TAMM41: variants seen among roughly 807,000 people sequenced by gnomAD.
TAMM41 encodes phosphatidate cytidylyltransferase, mitochondrial.
Under a neutral mutation model 44.1 loss-of-function variants are expected in TAMM41, and 36 were observed. That is an observed-to-expected ratio of 0.82 (90% CI 0.63 to 1.08). The LOEUF is 1.08. Ranked by LOEUF, TAMM41 falls within the 50% of genes least tolerant of loss-of-function variation. The probability of loss-of-function intolerance (pLI) is 0.00; values close to 1 mark genes in which losing one functional copy is unlikely to be tolerated. For missense variants in TAMM41, 417 were observed against 404.3 expected (o/e 1.03, Z -0.27); for synonymous variants, 164 against 153.1 (o/e 1.07, Z -0.53).
the TAMM41 span, among the ~76,000 whole-genome samples, chr3:11,722,191 C>A: frequency 6.6e-6 from 1 of 152,176 alleles, no homozygotes; most frequent in African/African-American, 2.4e-5. Flanking sequence ...GCAAATAAAT[C>A]ATGGGGACAG....
the TAMM41 span, among the ~76,000 whole-genome samples, chr3:11,785,099 G>A: frequency 3.3e-5 from 5 of 152,118 alleles, no homozygotes; most frequent in Non-Finnish European, 7.4e-5. Context: ...CCACAGGGAG[G>A]TGTTTCTCTG....
At chr3:11,754,360 T>C in the TAMM41 span, among the ~76,000 whole-genome samples, 1 of 152,094 alleles carries the variant, frequency 6.6e-6, no homozygotes, top group African/African-American at 2.4e-5. Flanking sequence ...TTACCAATTC[T>C]TTTTAAAAAT....
chr3:11,778,203 C>T, the TAMM41 span, among the ~76,000 whole-genome samples: 5 of 151,976 alleles, frequency 3.3e-5, no homozygotes, highest in Admixed American at 6.6e-5. Flanking sequence ...AGTAGAATTT[C>T]TCGGTTATAT....
the TAMM41 span, among the ~76,000 whole-genome samples, chr3:11,749,901 CTTT>C: frequency 5.2e-4 from 70 of 135,900 alleles, no homozygotes; most frequent in Non-Finnish European, 6.8e-4. Flanking sequence ...CTTTTTCTTT[CTTT>C]TTTTTTTTTT....
At position 11,846,518 on chromosome 3, in the gene TAMM41, G is replaced by A. The variant is rs1253577587; in HGVS notation, c.119C>T (p.Pro40Leu). Residue 40 changes from proline to leucine, a missense_variant, in exon 1 of 8, where the codon CCG becomes CTG. By Grantham distance (98) the Pro-to-Leu change is moderately conservative. Transcript: ENST00000455809. ...YGSGVYRQAG[P>L]SSDQKNAMLD... ...CGGGCTCACCTTCTGGTCTGAACTC[G>A]GCCCTGCCTGGCGGTACACCCCGGA... 6.2e-7 allele frequency: 1 copy of A among 1,614,188 alleles called. No homozygotes were observed. The highest frequency in any genetic ancestry group is 8.5e-7 in the Non-Finnish European group (1 of 1,180,018).
intron 4 of TAMM41, among the ~76,000 whole-genome samples, chr3:11,829,000 C>A (rs971107861): frequency 6.6e-6 from 1 of 152,106 alleles, no homozygotes; most frequent in Non-Finnish European, 1.5e-5. Flanking sequence ...TTAAACGGAA[C>A]CTTACTATAG....
chr3:11,773,055 C>T, the TAMM41 span, among the ~76,000 whole-genome samples: 1 of 152,108 alleles, frequency 6.6e-6, no homozygotes, highest in Admixed American at 6.6e-5. Context: ...CTCCCGGGTT[C>T]AAGCAATTCT....
chr3:11,819,638 T>C (rs1316589647), intron 4 of TAMM41, among the ~76,000 whole-genome samples: 3 of 152,176 alleles, frequency 2.0e-5, no homozygotes, highest in Non-Finnish European at 2.9e-5. Context: ...CTCACATCTA[T>C]AGTCCTAGCA....
chr3:11,763,783 A>G, the TAMM41 span, among the ~76,000 whole-genome samples: 1 of 152,242 alleles, frequency 6.6e-6, no homozygotes, highest in Non-Finnish European at 1.5e-5. Context: ...CACACAATGG[A>G]TAAAGGGCGG....
the TAMM41 span, among the ~76,000 whole-genome samples, chr3:11,742,501 C>T: frequency 2.0e-5 from 3 of 150,048 alleles, no homozygotes; most frequent in Non-Finnish European, 4.4e-5. Context: ...TCACAGACAC[C>T]GGCACCATTT....
chr3:11,842,584 C>T (rs1380434319), intron 2 of TAMM41, among the ~76,000 whole-genome samples: 8 of 151,988 alleles, frequency 5.3e-5, no homozygotes, highest in Admixed American at 5.2e-4. Flanking sequence ...GCCCCAGCTA[C>T]TTGGGAGGCT....
chr3:11,757,741 T>C, the TAMM41 span, among the ~76,000 whole-genome samples: 1 of 152,212 alleles, frequency 6.6e-6, no homozygotes, highest in Non-Finnish European at 1.5e-5. Flanking sequence ...TAGAAGCAAT[T>C]CTGTGTCACT....
intron 6 of TAMM41, 106 bp downstream of exon 6, chr3:11,809,411 C>A (rs1444522067): frequency 2.2e-6 from 3 of 1,350,028 alleles, no homozygotes; most frequent in Non-Finnish European, 3.1e-6. Context: ...GAGGCAATCT[C>A]TCTATCTCGC....
intron 7 of TAMM41, 21 bp from the exon 8 acceptor site, chr3:11,790,602 A>C: frequency 1.9e-6 from 3 of 1,595,930 alleles, no homozygotes; most frequent in Non-Finnish European, 2.6e-6. Context: ...AAAGATGAGA[A>C]AGTAAGAAGA....
the TAMM41 span, among the ~76,000 whole-genome samples, chr3:11,784,834 G>A: frequency 3.0e-5 from 4 of 132,166 alleles, no homozygotes; most frequent in Admixed American, 9.0e-5. Context: ...GAGGAGTCTC[G>A]CTCTGTCCCC....
chr3:11,836,961 T>TAAAG (rs1423901228), intron 3 of TAMM41, among the ~76,000 whole-genome samples: 2 of 152,224 alleles, frequency 1.3e-5, no homozygotes, highest in African/African-American at 4.8e-5. Flanking sequence ...TGTTTTTAAT[T>TAAAG]AAAGTAAAAG....
At chr3:11,806,954 A>C (rs1477814259) in intron 7 of TAMM41, among the ~76,000 whole-genome samples, 1 of 152,252 alleles carries the variant, frequency 6.6e-6, no homozygotes, top group African/African-American at 2.4e-5. Flanking sequence ...TTTTAAAGGA[A>C]AGTGATTTCT....
At chr3:11,807,988 C>G in intron 6 of TAMM41, 93 bp from the exon 7 acceptor site, 1 of 1,447,496 alleles carries the variant, frequency 6.9e-7, no homozygotes, top group Non-Finnish European at 9.0e-7. Context: ...AATATTCTTT[C>G]TAGTCAGCCA....
chr3:11,766,377 A>C, the TAMM41 span, among the ~76,000 whole-genome samples: 1 of 152,112 alleles, frequency 6.6e-6, no homozygotes, highest in African/African-American at 2.4e-5. Context: ...TATGTTGCCC[A>C]GGCTGGTCTT....
Sources: allele counts gnomAD v4.1 joint callset (sites outside exome capture counted in the v4.1 genomes callset), GRCh38; gene constraint gnomAD v4.1.1; transcripts MANE v1.5; gene names NCBI Gene and HGNC (gene_info 2026-07-23, HGNC 2026-07-21).